Variants in DTNA observed in about 807,000 individuals in gnomAD.
DTNA encodes dystrophin-related protein 3.
A neutral mutation model predicts 100.7 loss-of-function variants in DTNA; 43 were observed. That is an observed-to-expected ratio of 0.43 (90% CI 0.33 to 0.55). The LOEUF (loss-of-function observed/expected upper bound fraction) is 0.55, where lower values mean the gene tolerates loss of function less well. Among genes scored for constraint, DTNA ranks in the 20% least tolerant of loss-of-function variants. The pLI is 0.04. For missense variants in DTNA, 798 were observed against 953.9 expected (o/e 0.84, Z 2.15); for synonymous variants, 349 against 347.9 (o/e 1.00, Z -0.04).
chr18:34,855,054 G>A (rs1035032363), intron 15 of DTNA, among the ~76,000 whole-genome samples: 3 of 152,014 alleles, frequency 2.0e-5, no homozygotes, highest in Non-Finnish European at 2.9e-5. Context: ...AACTTCATGG[G>A]GAAGGTGAGT....
In DTNA at chr18:34,571,262, C is replaced by G. The variant is rs1326890507; in HGVS notation, c.-2+77748C>G. On this transcript the variant is annotated intron_variant, in intron 1 of 19. Transcript: ENST00000283365. ...AAAGTTCTGAGTAAGAGGCACAGTC[C>G]TCCATATTTAACTTTAAGTCTCATC... Among the ~76,000 whole-genome samples the G allele has an allele frequency of 2.0e-5, 3 of 152,252 alleles. No homozygotes were observed. The South Asian group carries it at 6.2e-4, about 32-fold the overall frequency.
chr18:34,686,254 AGTATGATTTTGGCT>A lies in DTNA; in HGVS notation c.-1-69719_-1-69706del, dbSNP rs564943645. Among the ~76,000 whole-genome samples the A allele has an allele frequency of 8.2e-3, 1,251 of 152,314 alleles. 10 individuals carry two copies. Among genetic ancestry groups the A allele is most frequent in the African/African-American group, 0.028 (1,173 of 41,562 alleles). ...GAATGCTTCTGGCTTTTGCCCATTC[AGTATGATTTTGGCT>A]GTGGATTTGTCATAAATAGCTCTTA... On this transcript the variant is annotated intron_variant, in intron 1 of 19. Coordinates refer to the DTNA transcript ENST00000283365.
At chr18:34,661,280 A>T (rs1165190300) in intron 1 of DTNA, among the ~76,000 whole-genome samples, 3 of 152,244 alleles carry the variant, frequency 2.0e-5, no homozygotes, top group African/African-American at 7.2e-5. Context: ...CTTACTAGAC[A>T]CTGCTCTAGC....
At chr18:34,592,456 T>A (rs1196390523) in intron 1 of DTNA, among the ~76,000 whole-genome samples, 5 of 133,424 alleles carry the variant, frequency 3.7e-5, no homozygotes, top group African/African-American at 1.4e-4. Flanking sequence ...CTTTTAGATA[T>A]ACACTTGTAT....
At chr18:34,571,559 A>C (rs892182231) in intron 1 of DTNA, among the ~76,000 whole-genome samples, 1 of 152,152 alleles carries the variant, frequency 6.6e-6, no homozygotes, top group Non-Finnish European at 1.5e-5. Flanking sequence ...CCCGAGCAAC[A>C]TAGAGAGACT....
At chr18:34,586,703 T>C (rs2049172147) in intron 1 of DTNA, among the ~76,000 whole-genome samples, 1 of 152,244 alleles carries the variant, frequency 6.6e-6, no homozygotes, top group African/African-American at 2.4e-5. Flanking sequence ...TATTTGATTA[T>C]GAAAATTTGT....
chr18:34,588,686 A>AGTGTGTGTGTGTGCATGT (rs1555632822), intron 1 of DTNA, among the ~76,000 whole-genome samples: 10 of 149,660 alleles, frequency 6.7e-5, no homozygotes, highest in African/African-American at 2.0e-4. Flanking sequence ...TGAATATTAT[A>AGTGTGTGTGTGTGCATGT]GTGTGTGTGT....
chr18:34,826,146 T>G (rs1435307606), intron 9 of DTNA, among the ~76,000 whole-genome samples: 1 of 152,232 alleles, frequency 6.6e-6, no homozygotes, highest in African/African-American at 2.4e-5. Flanking sequence ...ATCCAACAGA[T>G]GACATGTCTT....
intron 1 of DTNA, among the ~76,000 whole-genome samples, chr18:34,606,943 G>T (rs1225390115): frequency 6.6e-6 from 1 of 152,090 alleles, no homozygotes; most frequent in Admixed American, 6.6e-5. Flanking sequence ...TTCCTTGGAG[G>T]TTTAGTGCTT....
intron 1 of DTNA, among the ~76,000 whole-genome samples, chr18:34,565,985 G>C (rs1331778861): frequency 6.6e-6 from 1 of 152,136 alleles, no homozygotes; most frequent in Non-Finnish European, 1.5e-5. Context: ...ACACCAAAAT[G>C]CCTGGCAAAT....
At chr18:34,679,620 AG>A (rs2145426081) in intron 1 of DTNA, 1 of 152,332 alleles carries the variant, frequency 6.6e-6, no homozygotes, top group African/African-American at 2.4e-5. Context: ...AAAGAACTTA[AG>A]ATGAATATTG....
Position 34,851,871 on chromosome 18 carries a change from C to T in DTNA, c.1475C>T (p.Thr492Ile). The change falls in exon 15 of 23, where the codon ACC becomes ATC. Residue 492 changes from threonine (T) to isoleucine (I), a missense_variant. Physicochemically the swap from Thr to Ile is moderately conservative, Grantham distance 89. Around this residue, in one of 6 missense-constraint regions of DTNA, gnomAD observed 159 missense variants for 201.2 expected, o/e 0.79. Transcript: ENST00000444659. ...AGAAGTGCTCCTGACATCTCTTTCA[C>T]CATCGATGCGAATAAGCAGCAAAGG... is the stretch of plus-strand genomic sequence containing the variant. ...QQRSAPDISF[T>I]IDANKQQRQL... The T allele has an allele frequency of 6.2e-7, 1 of 1,614,074 alleles. No homozygotes were observed. The highest frequency in any genetic ancestry group is 8.5e-7 in the Non-Finnish European group (1 of 1,179,938).
chr18:34,801,560 G>A (rs1487250014), intron 4 of DTNA, among the ~76,000 whole-genome samples: 13 of 150,558 alleles, frequency 8.6e-5, no homozygotes, highest in Admixed American at 8.6e-4. Flanking sequence ...CAACAGGCTG[G>A]AGTGCAGTGG....
chr18:34,704,566 T>C lies in DTNA; in HGVS notation c.-1-51410T>C, dbSNP rs181899463. On this transcript the variant is annotated intron_variant, in intron 1 of 19. Transcript: ENST00000283365. ...CTCTGTCTACTCTCAAATCAGTTGGTCATATTCCTTCTCATATATTGTTAT... is the reference window on the plus strand; with the variant it reads ...CTCTGTCTACTCTCAAATCAGTTGGCCATATTCCTTCTCATATATTGTTAT... Among the ~76,000 whole-genome samples the C allele has an allele frequency of 1.4e-3, 209 of 152,324 alleles. 1 individual carries two copies. The highest frequency in any genetic ancestry group is 0.014 in the Admixed American group (207 of 15,296).
chr18:34,890,644 A>C lies in DTNA; in HGVS notation c.*2910A>C. The C allele has an allele frequency of 1.2e-6, 1 of 836,324 alleles. No homozygotes were observed. The highest frequency in any genetic ancestry group is 2.7e-5 in the East Asian group (1 of 36,462). 51.8% of individuals were successfully genotyped at this position (836,324 alleles called of 1,614,324 possible). A position where few individuals can be genotyped will look rare whatever the true frequency, so the allele number is the denominator to read the frequency against. On this transcript the variant is annotated 3_prime_UTR_variant, in exon 23 of 23. Transcript: ENST00000444659. Reference sequence around the variant, plus strand: ...AGGGGAGGAAGGTGAAATCTACTGCATGGGATTCAGGAAACAGTTGTGGTT... The same window carrying C: ...AGGGGAGGAAGGTGAAATCTACTGCCTGGGATTCAGGAAACAGTTGTGGTT...
intron 1 of DTNA, among the ~76,000 whole-genome samples, chr18:34,734,475 A>T (rs1842409): frequency 9.9e-5 from 15 of 152,136 alleles, no homozygotes; most frequent in African/African-American, 3.6e-4. Context: ...AACAGTAGTC[A>T]CCTGGCGAGG....
intron 1 of DTNA, among the ~76,000 whole-genome samples, chr18:34,754,779 G>A (rs1203106524): frequency 3.9e-5 from 6 of 152,212 alleles, no homozygotes; most frequent in Non-Finnish European, 8.8e-5. Context: ...CATGCTGTTT[G>A]TTGAGTGAGT....
chr18:34,776,515 G>A (rs1000447916), intron 3 of DTNA, among the ~76,000 whole-genome samples: 4 of 152,092 alleles, frequency 2.6e-5, no homozygotes, highest in African/African-American at 9.7e-5. Flanking sequence ...CTAATCTTTT[G>A]TATTTTTAGT....
At chr18:34,851,401 C>G (rs2096475851) in intron 14 of DTNA, among the ~76,000 whole-genome samples, 1 of 152,170 alleles carries the variant, frequency 6.6e-6, no homozygotes, top group Non-Finnish European at 1.5e-5. Context: ...CATGCCTGGC[C>G]TAAAACTATA....
Sources: allele counts gnomAD v4.1 joint callset (sites outside exome capture counted in the v4.1 genomes callset), GRCh38; gene constraint gnomAD v4.1.1; regional missense constraint gnomAD v4.1.1; transcripts MANE v1.5; gene names NCBI Gene and HGNC (gene_info 2026-07-23, HGNC 2026-07-21).